The following SHMT1 variants were observed in gnomAD, a reference collection of about 807,000 sequenced individuals.
SHMT1 encodes the protein serine hydroxymethyltransferase, cytosolic.
SHMT1 carries 45 observed loss-of-function variants against 49.0 expected under a neutral mutation model. The observed-to-expected ratio is 0.92, with a 90% confidence interval of 0.72 to 1.18. The LOEUF is 1.18. SHMT1 is among the 50% of genes most tolerant of loss of function. The pLI is 0.00. For synonymous variants in SHMT1, 232 were observed against 246.6 expected, an observed-to-expected ratio of 0.94 and a Z score of 0.55; for missense variants, 541 against 612.4, an observed-to-expected ratio of 0.88 and a Z score of 1.23.
At chr17:18,346,931 G>A (rs900821091) in intron 5 of SHMT1, among the ~76,000 whole-genome samples, 7 of 152,288 alleles carry the variant, frequency 4.6e-5, no homozygotes, top group African/African-American at 9.6e-5. Context: ...AAAGTTGAAC[G>A]CCCTAAGTCA....
intron 11 of SHMT1, 113 bp downstream of exon 11, chr17:18,329,165 C>T: frequency 3.2e-6 from 3 of 929,356 alleles, no homozygotes; most frequent in Non-Finnish European, 5.2e-6. Context: ...CCCACCCCAA[C>T]ACTCAGCCTT....
At chr17:18,346,982 G>A (rs527970559) in intron 5 of SHMT1, among the ~76,000 whole-genome samples, 71 of 152,310 alleles carry the variant, frequency 4.7e-4, no homozygotes, top group African/African-American at 1.7e-3. Flanking sequence ...ACACAGGCAG[G>A]GGCTAGCCCT....
At position 18,333,220 on chromosome 17, in the gene SHMT1, T is replaced by G; in HGVS notation, c.1000A>C (p.Asn334His). Reference sequence around the variant, plus strand: ...AGGGCCTCAGACAGAGCCCTGCAGTTGGCCACCACCTGGTGTTGATAAACT... The same window carrying G: ...AGGGCCTCAGACAGAGCCCTGCAGTGGGCCACCACCTGGTGTTGATAAACT... ...FKVYQHQVVA[N>H]CRALSEALTE... Residue 334 changes from asparagine to histidine, a missense_variant, in exon 9 of 12, where the codon AAC becomes CAC. Asn to His is a moderately conservative substitution (Grantham distance 68). Coordinates refer to ENST00000316694, the MANE Select transcript of SHMT1 (RefSeq NM_004169.5). 1 of 1,614,070 alleles carries G rather than the reference T, an allele frequency of 6.2e-7. No individual in the cohort carries two copies.
At chr17:18,359,169 C>T (rs1046267055) in intron 1 of SHMT1, among the ~76,000 whole-genome samples, 5 of 148,420 alleles carry the variant, frequency 3.4e-5, no homozygotes, top group African/African-American at 7.5e-5. Flanking sequence ...ACCCGGGAGG[C>T]GGAAGTTGTA....
chr17:18,350,248 G>A lies in SHMT1; in HGVS notation c.243-1808C>T, dbSNP rs192596112. On this transcript the variant is annotated intron_variant, in intron 3 of 11. Transcript: ENST00000316694. ...CGGGAGGCTGAGGCAGGAGAATGGC[G>A]TGAACCCGGGAGGTGGAGCTTGTAG... Among the ~76,000 whole-genome samples the A allele has an allele frequency of 6.9e-3, 1,039 of 151,236 alleles. 12 individuals carry two copies. Among genetic ancestry groups the A allele is most frequent in the African/African-American group, 0.024 (1,002 of 41,160 alleles).
chr17:18,342,533 C>T (rs893059505), intron 5 of SHMT1, among the ~76,000 whole-genome samples: 6 of 151,550 alleles, frequency 4.0e-5, no homozygotes, highest in African/African-American at 1.5e-4. Flanking sequence ...AGGCTGGTCT[C>T]GAACTCCTGG....
At chr17:18,335,096 A>G (rs935896572) in intron 8 of SHMT1, among the ~76,000 whole-genome samples, 5 of 152,248 alleles carry the variant, frequency 3.3e-5, no homozygotes, top group African/African-American at 1.2e-4. Context: ...GAGCAAGTCA[A>G]TGAGAACCTG....
chr17:18,359,913 C>T (rs1021835792), intron 1 of SHMT1, among the ~76,000 whole-genome samples: 3 of 149,808 alleles, frequency 2.0e-5, no homozygotes, highest in African/African-American at 4.9e-5. Flanking sequence ...ACCACTGCAC[C>T]GCAGCCTGGC....
intron 4 of SHMT1, 61 bp from the exon 5 acceptor site, chr17:18,347,717 G>T: frequency 6.3e-7 from 1 of 1,597,416 alleles, no homozygotes; most frequent in African/African-American, 1.3e-5. Flanking sequence ...AGTGGCATCC[G>T]GGACCTTGGC....
At chr17:18,359,965 T>C (rs933326382) in intron 1 of SHMT1, among the ~76,000 whole-genome samples, 2 of 128,342 alleles carry the variant, frequency 1.6e-5, no homozygotes, top group Admixed American at 1.6e-4. Flanking sequence ...AAAAATTATT[T>C]GGCCAGGCAC....
At chr17:18,356,230 G>A (rs1598065915) in intron 1 of SHMT1, among the ~76,000 whole-genome samples, 1 of 151,690 alleles carries the variant, frequency 6.6e-6, no homozygotes, top group Admixed American at 6.6e-5. Context: ...TTTTAGTAGA[G>A]ACGAGGTTTC....
chr17:18,351,487 A>C (rs1397314097), intron 3 of SHMT1, among the ~76,000 whole-genome samples: 1 of 148,378 alleles, frequency 6.7e-6, no homozygotes, highest in Non-Finnish European at 1.5e-5. Flanking sequence ...GGCTGGGCAC[A>C]GTGGCTCACG....
intron 1 of SHMT1, 22 bp from the exon 2 acceptor site, chr17:18,356,022 G>C (rs776412057): frequency 9.4e-7 from 1 of 1,059,484 alleles, no homozygotes. Context: ...GGAAAAACAT[G>C]TGTAGCTTCC....
chr17:18,348,550 T>A, intron 3 of SHMT1, 110 bp from the exon 4 acceptor site: 2 of 801,200 alleles, frequency 2.5e-6, no homozygotes, highest in Non-Finnish European at 4.5e-6. Flanking sequence ...TGGAGAGAAG[T>A]AATGAGAAGA....
chr17:18,332,852 C>G, intron 9 of SHMT1: 1 of 409,960 alleles, frequency 2.4e-6, no homozygotes. Context: ...GGTGTGTGAC[C>G]ACTACAGCCC....
chr17:18,363,542 C>G lies in SHMT1; in HGVS notation c.-190G>C, dbSNP rs1218286791. 6.6e-6 allele frequency: 1 copy of G among 152,292 alleles called. No homozygotes were observed. The allele number at this position is 152,292 out of a possible 1,614,324, so 9.4% of individuals were successfully genotyped here. On this transcript the variant is annotated 5_prime_UTR_variant, in exon 1 of 12. Transcript: ENST00000316694. ...AGGAAGGTGCACTCTGCGCGCCAGGCTTGGGCTTGGCCCCGCCCCCGGAGG... is the reference window on the plus strand; with the variant it reads ...AGGAAGGTGCACTCTGCGCGCCAGGGTTGGGCTTGGCCCCGCCCCCGGAGG...
Position 18,340,690 on chromosome 17 carries a change from A to G in SHMT1, c.601+42T>C. 1 of 1,549,230 alleles carries G rather than the reference A, an allele frequency of 6.5e-7. No homozygotes were observed. On this transcript the variant is annotated intron_variant, in intron 6 of 11. Transcript: ENST00000316694. This position sits in a 1 kb window ranked among gnomAD's most constrained non-coding sequence, Gnocchi z 4.5. ...CCATCCTCATTCTGTAAGAGGCACC[A>G]GGCTACTGGTGAACAAGGTGACTTT...
At chr17:18,337,660 G>T (rs1436193694) in intron 7 of SHMT1, among the ~76,000 whole-genome samples, 1 of 149,342 alleles carries the variant, frequency 6.7e-6, no homozygotes, top group Non-Finnish European at 1.5e-5. Flanking sequence ...TCGGCTCACT[G>T]CAACCTCCCT....
intron 1 of SHMT1, among the ~76,000 whole-genome samples, chr17:18,362,434 C>A (rs1441340703): frequency 6.6e-6 from 1 of 152,120 alleles, no homozygotes; most frequent in Non-Finnish European, 1.5e-5. Context: ...GATTCTCCTG[C>A]CTCAGCCTTC....
Sources: allele counts gnomAD v4.1 joint callset (sites outside exome capture counted in the v4.1 genomes callset), GRCh38; gene constraint gnomAD v4.1.1; non-coding constraint Gnocchi (gnomAD v3.1); transcripts MANE v1.5; gene names NCBI Gene and HGNC (gene_info 2026-07-23, HGNC 2026-07-21).